PCDHA10: variants seen among roughly 807,000 people sequenced by gnomAD.
PCDHA10 encodes the protein protocadherin alpha-10.
PCDHA10 carries 45 observed loss-of-function variants against 61.2 expected under a neutral mutation model. The ratio of observed to expected loss-of-function variants is 0.74; its 90% confidence interval spans 0.58 to 0.94. The LOEUF (loss-of-function observed/expected upper bound fraction) is 0.94. PCDHA10 is among the 40% of genes least tolerant of loss of function. PCDHA10 has a pLI of 0.00. For synonymous variants in PCDHA10, 602 were observed against 548.8 expected (o/e 1.10, Z -1.35); for missense variants, 1,278 against 1,236.2 (o/e 1.03, Z -0.51).
chr5:140,881,145 A>G (rs1335769260), intron 1 of PCDHA10, among the ~76,000 whole-genome samples: 1 of 152,246 alleles, frequency 6.6e-6, no homozygotes, highest in Non-Finnish European at 1.5e-5. Context: ...TTATAACAAT[A>G]GATAAAAGTA....
At chr5:140,876,478 G>T in intron 1 of PCDHA10, 1 of 1,614,032 alleles carries the variant, frequency 6.2e-7, no homozygotes, top group Non-Finnish European at 8.5e-7. Flanking sequence ...TCACAGCATG[G>T]TCCTGGTGGA....
chr5:141,005,701 CAAAAAAAAA>C (rs59860837), intron 3 of PCDHA10, among the ~76,000 whole-genome samples: 2 of 7,784 alleles, frequency 2.6e-4, no homozygotes, highest in African/African-American at 4.7e-4. Context: ...AACTCCGTCT[CAAAAAAAAA>C]AAAAAAAAAA....
chr5:140,956,820 G>C (rs246011), intron 1 of PCDHA10, among the ~76,000 whole-genome samples: 85,659 of 151,910 alleles, frequency 0.56, 24,765 homozygotes, highest in African/African-American at 0.69. Context: ...GCTTCAATTT[G>C]TAATTTAATA....
Position 140,857,791 on chromosome 5 carries a change from G to T in PCDHA10, c.1743G>T (p.Leu581=). ...SAGGAVSELV[L]RSVVAGHVVA... ...GCGGTGCAGTCAGTGAGCTGGTGCT[G>T]CGGTCGGTGGTTGCGGGTCACGTGG... The change falls in exon 1 of 4, where the codon CTG becomes CTT. Residue 581 remains leucine (L), a synonymous_variant. Transcript: ENST00000307360. 1 of 1,597,714 alleles carries T rather than the reference G, an allele frequency of 6.3e-7. No homozygotes were observed. Among genetic ancestry groups the T allele is most frequent in the Non-Finnish European group, 8.6e-7 (1 of 1,167,578 alleles).
chr5:140,962,046 G>A (rs2095653396), intron 1 of PCDHA10, among the ~76,000 whole-genome samples: 1 of 151,964 alleles, frequency 6.6e-6, no homozygotes, highest in African/African-American at 2.4e-5. Flanking sequence ...ACCATGCCTG[G>A]CTAATTTTTT....
chr5:140,969,129 C>G (rs576180714), intron 1 of PCDHA10: 4 of 1,614,144 alleles, frequency 2.5e-6, no homozygotes, highest in Admixed American at 1.7e-5. Context: ...GGCTCCCTCA[C>G]CAAGACCTAC....
chr5:140,941,241 T>TTCTTTCTTTCTTTCTTTCTTTCTC (rs1585048929), intron 1 of PCDHA10, among the ~76,000 whole-genome samples: 1 of 140,458 alleles, frequency 7.1e-6, no homozygotes, highest in East Asian at 2.0e-4. Flanking sequence ...CTTTCTTTCT[T>TTCTTTCTTTCTTTCTTTCTTTCTC]TCTTTCTTTC....
At chr5:140,938,322 A>G (rs1467948489) in intron 1 of PCDHA10, among the ~76,000 whole-genome samples, 1 of 152,240 alleles carries the variant, frequency 6.6e-6, no homozygotes, top group Admixed American at 6.5e-5. Context: ...ATTGAATAGA[A>G]GTAATGTTAA....
At chr5:141,007,839 A>C (rs782046722) in intron 3 of PCDHA10, among the ~76,000 whole-genome samples, 2 of 152,226 alleles carry the variant, frequency 1.3e-5, no homozygotes, top group Non-Finnish European at 2.9e-5. Context: ...TACCCATTAG[A>C]GACTCAAAGT....
intron 1 of PCDHA10, among the ~76,000 whole-genome samples, chr5:140,897,966 T>C (rs1339473229): frequency 5.3e-5 from 8 of 152,276 alleles, no homozygotes; most frequent in African/African-American, 1.9e-4. Flanking sequence ...TTCATGTGTC[T>C]TTTGGCTGCA....
At chr5:141,000,376 T>C (rs2097906883) in intron 3 of PCDHA10, among the ~76,000 whole-genome samples, 1 of 58,410 alleles carries the variant, frequency 1.7e-5, no homozygotes, top group Non-Finnish European at 3.2e-5. Flanking sequence ...TCTCTCTCTC[T>C]CTCTCTCTCT....
chr5:140,869,005 G>C, intron 1 of PCDHA10: 1 of 1,521,546 alleles, frequency 6.6e-7, no homozygotes, highest in Non-Finnish European at 8.8e-7. Context: ...AGGATCCTTT[G>C]AAACTTCTTA....
intron 1 of PCDHA10, chr5:140,877,631 C>T: frequency 6.2e-7 from 1 of 1,613,768 alleles, no homozygotes; most frequent in Non-Finnish European, 8.5e-7. Context: ...CTGTACACTG[C>T]GCTGCGTTGC....
At chr5:140,908,958 T>C (rs555962129) in intron 1 of PCDHA10, among the ~76,000 whole-genome samples, 2 of 152,268 alleles carry the variant, frequency 1.3e-5, no homozygotes, top group East Asian at 3.9e-4. Context: ...AGAAGGAATA[T>C]CTTGATAGGC....
chr5:140,892,185 C>T (rs569665979), intron 1 of PCDHA10, among the ~76,000 whole-genome samples: 1 of 152,254 alleles, frequency 6.6e-6, no homozygotes, highest in East Asian at 1.9e-4. Flanking sequence ...CCTCATGGGT[C>T]TATTCCTGTG....
At chr5:140,968,641 C>T (rs782760741) in intron 1 of PCDHA10, 12 of 1,614,006 alleles carry the variant, frequency 7.4e-6, no homozygotes, top group East Asian at 4.5e-5. Context: ...ACCATCTAGC[C>T]CAGACTTCTG....
intron 1 of PCDHA10, among the ~76,000 whole-genome samples, chr5:140,953,432 C>T (rs1292809968): frequency 6.6e-6 from 1 of 152,108 alleles, no homozygotes; most frequent in Non-Finnish European, 1.5e-5. Context: ...TGTCCTTAAG[C>T]TGGAGAAACT....
At chr5:140,969,535 T>C (rs1221394283) in intron 1 of PCDHA10, 27 of 1,341,822 alleles carry the variant, frequency 2.0e-5, no homozygotes, top group Non-Finnish European at 2.5e-5. Flanking sequence ...TTTTTCATTT[T>C]CAGAGGCATG....
intron 1 of PCDHA10, among the ~76,000 whole-genome samples, chr5:140,949,517 C>T (rs2094387959): frequency 6.6e-6 from 1 of 151,706 alleles, no homozygotes; most frequent in African/African-American, 2.4e-5. Context: ...TTTATTGATC[C>T]TTTTATCTTC....
Sources: allele counts gnomAD v4.1 joint callset (sites outside exome capture counted in the v4.1 genomes callset), GRCh38; gene constraint gnomAD v4.1.1; transcripts MANE v1.5; gene names NCBI Gene and HGNC (gene_info 2026-07-23, HGNC 2026-07-21).